The following RHOA variants were observed in gnomAD, a reference collection of about 807,000 sequenced individuals.
RHOA encodes the protein transforming protein RhoA.
Under a neutral mutation model 17.5 loss-of-function variants are expected in RHOA, and 3 were observed. The observed-to-expected ratio is 0.17, with a 90% CI of 0.08 to 0.44. The LOEUF (loss-of-function observed/expected upper bound fraction) is 0.44, where lower values mean the gene tolerates loss of function less well. RHOA is among the 20% of genes least tolerant of loss of function. The pLI is 0.99. For missense variants in RHOA, 56 were observed against 242.3 expected (o/e 0.23, Z 5.10); for synonymous variants, 98 against 88.4 (o/e 1.11, Z -0.61).
At chr3:49,376,031 G>T (rs529388581) in intron 1 of RHOA, among the ~76,000 whole-genome samples, 2 of 151,824 alleles carry the variant, frequency 1.3e-5, no homozygotes, top group African/African-American at 4.8e-5. Flanking sequence ...GATAGAGATG[G>T]GGTTTCACCT....
At chr3:49,375,833 G>T (rs116656374) in intron 1 of RHOA, among the ~76,000 whole-genome samples, 3,811 of 152,160 alleles carry the variant, frequency 0.025, 67 homozygotes, top group Middle Eastern at 0.042. Flanking sequence ...AACAAGACAA[G>T]AATGTCTGTT....
At chr3:49,407,232 G>GTTTTTTTTTTTTTTTTTTTTTT (rs61556875) in intron 1 of RHOA, among the ~76,000 whole-genome samples, 1 of 70,020 alleles carries the variant, frequency 1.4e-5, no homozygotes, top group African/African-American at 5.2e-5. Flanking sequence ...AATCCTTTCC[G>GTTTTTTTTTTTTTTTTTTTTTT]TTTTTTTTTT....
chr3:49,363,653 A>T (rs896251928), intron 3 of RHOA, among the ~76,000 whole-genome samples: 1 of 152,006 alleles, frequency 6.6e-6, no homozygotes, highest in Non-Finnish European at 1.5e-5. Context: ...GGAGTTCGAG[A>T]CCAGCCTGGC....
intron 1 of RHOA, among the ~76,000 whole-genome samples, chr3:49,395,129 T>C (rs1396136105): frequency 6.6e-6 from 1 of 151,340 alleles, no homozygotes; most frequent in Non-Finnish European, 1.5e-5. Context: ...CAGGCACCTG[T>C]AGTCCCAGCT....
intron 4 of RHOA, among the ~76,000 whole-genome samples, chr3:49,362,093 A>G (rs1452464071): frequency 6.6e-6 from 1 of 151,948 alleles, no homozygotes; most frequent in Non-Finnish European, 1.5e-5. Flanking sequence ...AGTCTGAGGC[A>G]GAAGAATCGC....
intron 1 of RHOA, among the ~76,000 whole-genome samples, chr3:49,409,734 T>C (rs2048901489): frequency 6.6e-6 from 1 of 152,128 alleles, no homozygotes; most frequent in Non-Finnish European, 1.5e-5. Flanking sequence ...GAATAAACTT[T>C]TAAAAAGCAG....
intron 3 of RHOA, chr3:49,365,035 G>T (rs1033234848): frequency 6.6e-6 from 1 of 151,360 alleles, no homozygotes; most frequent in Non-Finnish European, 1.5e-5. Flanking sequence ...CTCTACAAAT[G>T]TTATTTGTAA....
Position 49,375,452 on chromosome 3 carries a change from G to A in RHOA, c.138C>T (p.Ile46=), listed in dbSNP as rs1267700871. 41 of 1,610,570 alleles carry A rather than the reference G, an allele frequency of 2.5e-5. No homozygotes were observed. The highest frequency in any genetic ancestry group is 3.4e-5 in the Non-Finnish European group (40 of 1,178,626). The change falls in exon 2 of 5, where the codon ATC becomes ATT. Residue 46 remains isoleucine, a synonymous_variant. Coordinates refer to ENST00000418115, the MANE Select transcript of RHOA (RefSeq NM_001664.4). ...PTVFENYVAD[I]EVDGKQVELA... ...TACTCACCTGCTTTCCATCCACCTC[G>A]ATATCTGCCACATAGTTCTCAAACA...
intron 2 of RHOA, among the ~76,000 whole-genome samples, chr3:49,369,315 A>AC (rs2048113630): frequency 6.7e-6 from 1 of 149,950 alleles, no homozygotes; most frequent in South Asian, 2.2e-4. Flanking sequence ...GAGCCACCAC[A>AC]CCCGGCCGAG....
intron 1 of RHOA, among the ~76,000 whole-genome samples, chr3:49,392,230 G>A (rs928673206): frequency 2.6e-5 from 4 of 152,112 alleles, no homozygotes; most frequent in Non-Finnish European, 4.4e-5. Flanking sequence ...CCAGGAGCTC[G>A]AGACCAGCCT....
intron 1 of RHOA, among the ~76,000 whole-genome samples, chr3:49,383,067 AAAAG>A (rs1307562176): frequency 4.0e-5 from 6 of 150,210 alleles, no homozygotes; most frequent in Admixed American, 6.6e-5. Context: ...CAGAAAAAAA[AAAAG>A]AAAAAGAAAA....
At chr3:49,364,909 G>C (rs1399482700) in intron 3 of RHOA, among the ~76,000 whole-genome samples, 1 of 151,890 alleles carries the variant, frequency 6.6e-6, no homozygotes, top group Non-Finnish European at 1.5e-5. Flanking sequence ...GAGGCGGAGT[G>C]CAGTGAGCTG....
chr3:49,409,350 G>A (rs1405668873), intron 1 of RHOA, among the ~76,000 whole-genome samples: 2 of 151,800 alleles, frequency 1.3e-5, no homozygotes, highest in South Asian at 2.1e-4. Context: ...AGCTGAGATC[G>A]CGCCACTGCA....
In RHOA at chr3:49,360,242, A is replaced by G. The variant is rs150586065; in HGVS notation, c.549T>C (p.Arg183=). ...MATRAALQAR[R]GKKKSGCLVL ...CAAGGCACCCAGATTTTTTCTTCCC[A>G]CGTCTAGCTTGCAGAGCAGCTCTCG... The change falls in exon 5 of 5, where the codon CGT becomes CGC. Residue 183 remains arginine, a synonymous_variant. Coordinates refer to ENST00000418115, the MANE Select transcript of RHOA (RefSeq NM_001664.4). 1.7e-5 allele frequency: 27 copies of G among 1,613,604 alleles called. No homozygotes were observed. In the African/African-American group the frequency reaches 3.3e-4, roughly 20 times the overall value.
At chr3:49,410,124 TCAA>T (rs1166964977) in intron 1 of RHOA, among the ~76,000 whole-genome samples, 1 of 152,174 alleles carries the variant, frequency 6.6e-6, no homozygotes, top group Non-Finnish European at 1.5e-5. Context: ...CTATTCACCA[TCAA>T]CAAGGTTTAA....
chr3:49,387,048 C>CGGAG (rs2107870398), intron 1 of RHOA, among the ~76,000 whole-genome samples: 1 of 128,056 alleles, frequency 7.8e-6, no homozygotes, highest in African/African-American at 2.9e-5. Flanking sequence ...ACCTGGGAGG[C>CGGAG]GGAGGTTGCA....
chr3:49,363,551 C>T (rs2048006460), intron 3 of RHOA, among the ~76,000 whole-genome samples: 1 of 151,784 alleles, frequency 6.6e-6, no homozygotes, highest in Non-Finnish European at 1.5e-5. Context: ...GCCTATGCAA[C>T]ATGGCTAAAC....
chr3:49,379,250 A>T (rs1218215428), intron 1 of RHOA, among the ~76,000 whole-genome samples: 2 of 152,188 alleles, frequency 1.3e-5, no homozygotes, highest in Admixed American at 1.3e-4. Flanking sequence ...GATCTTGGAA[A>T]TGTTATATAA....
At chr3:49,406,776 T>C (rs1040323605) in intron 1 of RHOA, 3 of 151,820 alleles carry the variant, frequency 2.0e-5, no homozygotes, top group African/African-American at 7.3e-5. Flanking sequence ...GAGTACAAGA[T>C]CTGTCTGGGC....
Sources: gnomAD v4.1 joint callset for allele counts (sites outside exome capture counted in the v4.1 genomes callset) on GRCh38, gnomAD v4.1.1 for gene constraint, MANE v1.5 for transcripts, NCBI Gene and HGNC (gene_info 2026-07-23, HGNC 2026-07-21) for gene names.